The following KRIT1 variants were observed in gnomAD, a reference collection of about 807,000 sequenced individuals.
KRIT1 encodes the protein krev interaction trapped protein 1.
A neutral mutation model predicts 95.8 loss-of-function variants in KRIT1; 45 were observed. The observed-to-expected ratio is 0.47, with a 90% confidence interval of 0.37 to 0.60. The LOEUF is 0.60. KRIT1 is among the 20% of genes least tolerant of loss of function. The pLI is 0.00. For missense variants in KRIT1, 788 were observed against 877.5 expected (o/e 0.90, Z 1.29); for synonymous variants, 282 against 278.8 (o/e 1.01, Z -0.11).
At chr7:92,234,372 G>T in intron 10 of KRIT1, 77 bp downstream of exon 10, 3 of 1,139,168 alleles carry the variant, frequency 2.6e-6, no homozygotes, top group Non-Finnish European at 3.9e-6. Context: ...AATGAGAACA[G>T]TCTTGAAAAG....
At chr7:92,235,059 C>T in intron 8 of KRIT1, 136 bp from the exon 9 acceptor site, 1 of 659,922 alleles carries the variant, frequency 1.5e-6, no homozygotes, top group East Asian at 2.8e-5. Flanking sequence ...GAGTTCAGTG[C>T]TGCGATCTCA....
chr7:92,228,661 G>C (rs1796688613), intron 10 of KRIT1, among the ~76,000 whole-genome samples: 1 of 152,046 alleles, frequency 6.6e-6, no homozygotes, highest in Non-Finnish European at 1.5e-5. Flanking sequence ...TGTCATGGGG[G>C]TGTGTCGTAC....
intron 14 of KRIT1, among the ~76,000 whole-genome samples, chr7:92,215,408 T>C (rs977334380): frequency 3.3e-5 from 5 of 152,190 alleles, no homozygotes; most frequent in African/African-American, 1.2e-4. Context: ...TTGTAAGACA[T>C]TTTAAATTTT....
intron 1 of KRIT1, 46 bp from the exon 2 acceptor site, chr7:92,245,217 G>A (rs1043921597): frequency 4.6e-5 from 7 of 151,852 alleles, no homozygotes; most frequent in African/African-American, 1.7e-4. Flanking sequence ...GAGTTACAGG[G>A]GGAGAAGTGA....
chr7:92,226,551 A>G lies in KRIT1; in HGVS notation c.1121T>C (p.Leu374Pro). The change falls in exon 11 of 19, where the codon CTC becomes CCC. Residue 374 changes from leucine (L) to proline (P), a missense_variant. Coordinates refer to ENST00000394505, the MANE Select transcript of KRIT1 (RefSeq NM_194454.3). ...TCTATCCGTTTCTGGGTGGTTTAGG[A>G]GAATCTGTACTATTTCAGCATGTCC... Reference protein sequence around the residue: ...GGGHAEIVQILLNHPETDRHI... With the variant: ...GGGHAEIVQIPLNHPETDRHI... 2 of 1,613,066 alleles carry G rather than the reference A, an allele frequency of 1.2e-6. No homozygotes were observed. The highest frequency in any genetic ancestry group is 1.7e-6 in the Non-Finnish European group (2 of 1,179,128).
intron 14 of KRIT1, among the ~76,000 whole-genome samples, chr7:92,216,285 C>T (rs1252910307): frequency 6.8e-6 from 1 of 147,842 alleles, no homozygotes; most frequent in African/African-American, 2.5e-5. Flanking sequence ...ATTTTTCTAT[C>T]TTAAAATACT....
chr7:92,201,296 A>G lies in KRIT1; in HGVS notation c.2142+11T>C. The G allele has an allele frequency of 5.0e-6, 6 of 1,196,380 alleles. No individual in the cohort carries two copies. The highest frequency in any genetic ancestry group is 7.5e-6 in the Non-Finnish European group (6 of 799,360). 74.1% of individuals were successfully genotyped at this position (1,196,380 alleles called of 1,614,324 possible). The stretch of plus-strand genomic sequence containing the variant: ...CAATAGTTTATGAAGTCCAAAATAA[A>G]TGATACTTACCTGTTTTGTATGTAC... On this transcript the variant is annotated intron_variant, in intron 18 of 18. Transcript: ENST00000394505.
At chr7:92,236,672 G>C in intron 6 of KRIT1, 130 bp from the exon 7 acceptor site, 1 of 670,620 alleles carries the variant, frequency 1.5e-6, no homozygotes, top group Non-Finnish European at 2.6e-6. Context: ...TTTGGAATTA[G>C]AAGGCCTGGA....
chr7:92,236,412 C>G lies in KRIT1; in HGVS notation c.485+1G>C. 6.3e-7 allele frequency: 1 copy of G among 1,595,644 alleles called. No individual in the cohort carries two copies. Among genetic ancestry groups the G allele is most frequent in the Non-Finnish European group, 8.6e-7 (1 of 1,163,942 alleles). On this transcript the variant is annotated splice_donor_variant, in intron 7 of 18. Coordinates refer to ENST00000394505, the MANE Select transcript of KRIT1 (RefSeq NM_194454.3). LOFTEE classifies it high-confidence loss of function. ...AAGATACTTCTAACGGCATTTCTTA[C>G]TTATCCAAGGCTATTAACATCCTTG...
chr7:92,200,873 T>A, intron 18 of KRIT1, 69 bp from the exon 19 acceptor site: 1 of 1,067,454 alleles, frequency 9.4e-7, no homozygotes, highest in Non-Finnish European at 1.4e-6. Context: ...TTCATGACAT[T>A]GGGCAGTTCC....
At chr7:92,224,299 A>C (rs1034609855) in intron 12 of KRIT1, among the ~76,000 whole-genome samples, 8 of 152,172 alleles carry the variant, frequency 5.3e-5, no homozygotes, top group African/African-American at 1.9e-4. Context: ...TATTTCAAAC[A>C]GTTTTTAAAC....
At chr7:92,230,758 A>G (rs984857665) in intron 10 of KRIT1, among the ~76,000 whole-genome samples, 1 of 152,150 alleles carries the variant, frequency 6.6e-6, no homozygotes, top group African/African-American at 2.4e-5. Flanking sequence ...CAGGAGAGAG[A>G]TGGGGACAAA....
intron 10 of KRIT1, among the ~76,000 whole-genome samples, chr7:92,228,831 G>A (rs537614214): frequency 6.6e-6 from 1 of 152,178 alleles, no homozygotes; most frequent in South Asian, 2.1e-4. Context: ...GTATAAGTGG[G>A]AACACGTGGC....
intron 14 of KRIT1, among the ~76,000 whole-genome samples, chr7:92,221,685 C>T (rs1795183513): frequency 1.3e-5 from 2 of 152,122 alleles, no homozygotes; most frequent in African/African-American, 4.8e-5. Flanking sequence ...TTTAGGATAG[C>T]TCCCTATTTC....
intron 13 of KRIT1, 44 bp from the exon 14 acceptor site, chr7:92,222,097 A>C: frequency 7.0e-7 from 1 of 1,424,160 alleles, no homozygotes; most frequent in Non-Finnish European, 9.9e-7. Context: ...GTAAAAAGTC[A>C]ATTATATCAA....
At chr7:92,242,261 A>G in intron 3 of KRIT1, 124 bp from the exon 4 acceptor site, 1 of 641,804 alleles carries the variant, frequency 1.6e-6, no homozygotes, top group Admixed American at 2.6e-5. Context: ...CGAAAAAATT[A>G]AAAAAAAATA....
chr7:92,210,044 G>A (rs1476206711), intron 17 of KRIT1, among the ~76,000 whole-genome samples: 16 of 152,184 alleles, frequency 1.1e-4, no homozygotes, highest in Admixed American at 9.8e-4. Context: ...CCGCACTCCA[G>A]CCTGGGTGAT....
chr7:92,201,400 A>G lies in KRIT1; in HGVS notation c.2049T>C (p.Tyr683=). The G allele has an allele frequency of 3.2e-6, 5 of 1,577,184 alleles. No homozygotes were observed. The highest frequency in any genetic ancestry group is 1.1e-5 in the South Asian group (1 of 90,326). ...CTCCCAATTGCCACATAAAACAACC[A>G]TACTTAAGACTGATGAGTAAAGCCT... is the stretch of plus-strand genomic sequence containing the variant. ...ETKALLISLK[Y]GCFMWQLGDT... Residue 683 remains tyrosine (Y), a synonymous_variant, in exon 18 of 19, where the codon TAT becomes TAC. Coordinates refer to ENST00000394505, the MANE Select transcript of KRIT1 (RefSeq NM_194454.3).
At chr7:92,215,481 G>A (rs1793770310) in intron 14 of KRIT1, among the ~76,000 whole-genome samples, 1 of 152,050 alleles carries the variant, frequency 6.6e-6, no homozygotes, top group South Asian at 2.1e-4. Context: ...TTTTTGTTTT[G>A]TTTTTTGAGA....
Sources: allele counts gnomAD v4.1 joint callset (sites outside exome capture counted in the v4.1 genomes callset), GRCh38; gene constraint gnomAD v4.1.1; transcripts MANE v1.5; gene names NCBI Gene and HGNC (gene_info 2026-07-23, HGNC 2026-07-21).